The following RALGAPA2 variants were observed in gnomAD, a reference collection of about 807,000 sequenced individuals.
The protein encoded by RALGAPA2 is Ral GTPase activating protein catalytic subunit alpha 2.
In RALGAPA2, 139 loss-of-function variants were observed where a neutral mutation model predicts 230.4. That is an observed-to-expected ratio of 0.60 (90% confidence interval 0.53 to 0.69). RALGAPA2 has a LOEUF of 0.69. Among genes scored for constraint, RALGAPA2 ranks in the 30% least tolerant of loss-of-function variants. RALGAPA2 has a pLI of 0.00. For synonymous variants in RALGAPA2, 847 were observed against 837.8 expected (o/e 1.01, Z -0.19); for missense variants, 2,163 against 2,276.0 (o/e 0.95, Z 1.01).
chr20:20,452,120 A>C (rs918301717), intron 37 of RALGAPA2, among the ~76,000 whole-genome samples: 2 of 152,256 alleles, frequency 1.3e-5, no homozygotes, highest in African/African-American at 4.8e-5. Context: ...GACTCTTCCA[A>C]TGTAAAAAAG....
At chr20:20,584,134 A>C (rs1033756208) in intron 19 of RALGAPA2, among the ~76,000 whole-genome samples, 3 of 152,200 alleles carry the variant, frequency 2.0e-5, no homozygotes, top group Non-Finnish European at 2.9e-5. Flanking sequence ...GGAGGTGTTT[A>C]CTTTGCTACT....
At position 20,458,453 on chromosome 20, in the gene RALGAPA2, C is replaced by CATATGTATTTTATATAATATATAATAT. The variant is rs1569417252; in HGVS notation, c.5495+14349_5495+14375dup. On this transcript the variant is annotated intron_variant, in intron 37 of 39. Transcript: ENST00000202677. Reference sequence around the variant, plus strand: ...TGTATTTTTTATATTACATATAATACATATGTATTTTATATAATATATAAT... The same window carrying CATATGTATTTTATATAATATATAATAT: ...TGTATTTTTTATATTACATATAATACATATGTATTTTATATAATATATAATATATATGTATTTTATATAATATATAAT... 3.6e-4 allele frequency among the ~76,000 whole-genome samples: 43 copies of CATATGTATTTTATATAATATATAATAT among 117,942 alleles called. 1 individual carries two copies. Among genetic ancestry groups the CATATGTATTTTATATAATATATAATAT allele is most frequent in the African/African-American group, 1.5e-3 (38 of 25,808 alleles). The allele number at this position is 117,942 out of a possible 152,430, so 77.4% of individuals were successfully genotyped here. A position where few individuals can be genotyped will look rare whatever the true frequency, so the allele number is the denominator to read the frequency against.
chr20:20,604,907 T>C (rs2065771823), intron 15 of RALGAPA2, among the ~76,000 whole-genome samples: 1 of 152,230 alleles, frequency 6.6e-6, no homozygotes, highest in African/African-American at 2.4e-5. Context: ...ATATGTACAA[T>C]GTAATAGCCA....
chr20:20,416,468 C>G (rs192456534), intron 37 of RALGAPA2, among the ~76,000 whole-genome samples: 1 of 152,186 alleles, frequency 6.6e-6, no homozygotes, highest in African/African-American at 2.4e-5. Context: ...GTCCTCTAAC[C>G]TTTACTGCTT....
At chr20:20,639,016 T>G (rs1419796494) in intron 7 of RALGAPA2, among the ~76,000 whole-genome samples, 1 of 152,174 alleles carries the variant, frequency 6.6e-6, no homozygotes, top group East Asian at 1.9e-4. Context: ...CCTCGAAGAA[T>G]GAGGAGAGCA....
In RALGAPA2 at chr20:20,697,809, G is replaced by A. The variant is rs114255314; in HGVS notation, c.106+14566C>T. ...CAGAAGCACAGAAAACAAAAAACAC[G>A]GAACCAAAGGTAGAGACAATTTTCC... On this transcript the variant is annotated intron_variant, in intron 1 of 39. Coordinates refer to ENST00000202677, the MANE Select transcript of RALGAPA2 (RefSeq NM_020343.4). 8.5e-3 allele frequency among the ~76,000 whole-genome samples: 1,300 copies of A among 152,258 alleles called. 17 individuals carry two copies. Among genetic ancestry groups the A allele is most frequent in the African/African-American group, 0.029 (1,213 of 41,532 alleles).
intron 15 of RALGAPA2, 46 bp downstream of exon 15, chr20:20,605,129 T>G: frequency 6.7e-7 from 1 of 1,488,942 alleles, no homozygotes; most frequent in Non-Finnish European, 9.2e-7. Context: ...TACACACTCG[T>G]CCCCAGTCCT....
intron 23 of RALGAPA2, among the ~76,000 whole-genome samples, chr20:20,568,304 AC>A (rs1299793291): frequency 6.6e-6 from 1 of 152,234 alleles, no homozygotes; most frequent in Non-Finnish European, 1.5e-5. Flanking sequence ...TTACATATGT[AC>A]CGGGGGAAAT....
intron 37 of RALGAPA2, among the ~76,000 whole-genome samples, chr20:20,433,774 C>G (rs2060547378): frequency 6.6e-6 from 1 of 152,040 alleles, no homozygotes; most frequent in Non-Finnish European, 1.5e-5. Flanking sequence ...GAAGACGATG[C>G]TCACGAAGGA....
chr20:20,668,518 C>T (rs1259492848), intron 3 of RALGAPA2, among the ~76,000 whole-genome samples: 1 of 152,190 alleles, frequency 6.6e-6, no homozygotes, highest in Non-Finnish European at 1.5e-5. Context: ...CCCTCTTCCA[C>T]TCAAAAATAT....
intron 38 of RALGAPA2, among the ~76,000 whole-genome samples, chr20:20,411,643 A>G (rs1319325842): frequency 6.6e-6 from 1 of 152,204 alleles, no homozygotes; most frequent in Non-Finnish European, 1.5e-5. Context: ...ATCCCCATTT[A>G]GCATTAGTAG....
rs186877159 is a variant in RALGAPA2, at chr20:20,456,349, C to T, written c.5495+16480G>A. 4.6e-5 allele frequency among the ~76,000 whole-genome samples: 7 copies of T among 152,320 alleles called. No individual in the cohort carries two copies. In the East Asian group the frequency reaches 1.3e-3, roughly 29 times the overall value. The stretch of plus-strand genomic sequence containing the variant: ...AGGAGCTTGCTGACCAGTGGAGGGG[C>T]AGATGCCTCATAGTGAGCCCCTCAC... On this transcript the variant is annotated intron_variant, in intron 37 of 39. Transcript: ENST00000202677.
chr20:20,618,195 C>T (rs1001590360), intron 12 of RALGAPA2, among the ~76,000 whole-genome samples: 1 of 152,170 alleles, frequency 6.6e-6, no homozygotes, highest in Admixed American at 6.5e-5. Flanking sequence ...AAAAAGCACT[C>T]TTTTGAACCA....
chr20:20,452,226 G>A (rs1356812117), intron 37 of RALGAPA2, among the ~76,000 whole-genome samples: 2 of 152,108 alleles, frequency 1.3e-5, no homozygotes, highest in Non-Finnish European at 1.5e-5. Context: ...AAAGCAAATC[G>A]TTTCATACAC....
At chr20:20,519,701 T>C (rs1451390739) in intron 31 of RALGAPA2, among the ~76,000 whole-genome samples, 1 of 152,222 alleles carries the variant, frequency 6.6e-6, no homozygotes, top group Non-Finnish European at 1.5e-5. Context: ...GAAATGACTC[T>C]TTCTTGGTCC....
At chr20:20,406,692 G>A (rs983395961) in intron 38 of RALGAPA2, among the ~76,000 whole-genome samples, 6 of 152,184 alleles carry the variant, frequency 3.9e-5, no homozygotes, top group African/African-American at 1.4e-4. Flanking sequence ...TGGGCAGATC[G>A]CTTGAACCCA....
intron 2 of RALGAPA2, 30 bp from the exon 3 acceptor site, chr20:20,676,318 T>A (rs1476516530): frequency 6.8e-7 from 1 of 1,461,322 alleles, no homozygotes; most frequent in Non-Finnish European, 9.5e-7. Context: ...TTAGTTATCA[T>A]GACATCATTT....
intron 37 of RALGAPA2, among the ~76,000 whole-genome samples, chr20:20,432,089 A>G (rs550038459): frequency 6.6e-6 from 1 of 152,358 alleles, no homozygotes; most frequent in African/African-American, 2.4e-5. Flanking sequence ...TGCGAGAAAC[A>G]GTAAGGACTG....
chr20:20,618,455 T>C (rs1305514879), intron 12 of RALGAPA2, among the ~76,000 whole-genome samples: 1 of 151,402 alleles, frequency 6.6e-6, no homozygotes, highest in Non-Finnish European at 1.5e-5. Context: ...ATGAGTATGG[T>C]ATATTAAACT....
Sources: allele counts gnomAD v4.1 joint callset (sites outside exome capture counted in the v4.1 genomes callset), GRCh38; gene constraint gnomAD v4.1.1; transcripts MANE v1.5; gene names NCBI Gene and HGNC (gene_info 2026-07-23, HGNC 2026-07-21).